CNPY1: variants seen among roughly 807,000 people sequenced by gnomAD.
The protein encoded by CNPY1 is canopy FGF signaling regulator 1.
CNPY1 carries 14 observed loss-of-function variants against 14.4 expected under a neutral mutation model. The observed-to-expected ratio is 0.97, with a 90% CI of 0.64 to 1.52. CNPY1 has a LOEUF of 1.52. Ranked by LOEUF, CNPY1 falls within the 40% of genes most tolerant of loss-of-function variation. CNPY1 has a pLI of 0.00. For missense variants in CNPY1, 129 were observed against 131.5 expected, an observed-to-expected ratio of 0.98 and a Z score of 0.09; for synonymous variants, 43 against 46.5, an observed-to-expected ratio of 0.92 and a Z score of 0.31.
chr7:155,513,120 A>C (rs1796559053), intron 2 of CNPY1, among the ~76,000 whole-genome samples: 1 of 152,226 alleles, frequency 6.6e-6, no homozygotes, highest in Non-Finnish European at 1.5e-5. Flanking sequence ...GACTGCTATG[A>C]GTTTGTTGTA....
chr7:155,532,589 C>T (rs1393342800), intron 2 of CNPY1, among the ~76,000 whole-genome samples: 1 of 151,422 alleles, frequency 6.6e-6, no homozygotes. Context: ...CCACTGCACT[C>T]CAGCCTGGGC....
chr7:155,527,057 T>TCTTTCTTTCTTTCTTTCTTTCTTTCTTTC lies in CNPY1; in HGVS notation c.100-17961_100-17960insGAAAGAAAGAAAGAAAGAAAGAAAGAAAG, dbSNP rs1554449558. On this transcript the variant is annotated intron_variant, in intron 2 of 4. Coordinates refer to ENST00000636446, the MANE Select transcript of CNPY1 (RefSeq NM_001393663.1). The stretch of plus-strand genomic sequence containing the variant: ...TTCTTTCTTTCTTTCTTTCTTTCTT[T>TCTTTCTTTCTTTCTTTCTTTCTTTCTTTC]TTTTTTTTTTTTTTGAGACAGTCTT... Among the ~76,000 whole-genome samples, 8 of 92,512 alleles carry TCTTTCTTTCTTTCTTTCTTTCTTTCTTTC rather than the reference T, an allele frequency of 8.6e-5. 1 individual carries two copies. In the East Asian group the frequency reaches 1.4e-3, roughly 16 times the overall value. 60.7% of individuals were successfully genotyped at this position (92,512 alleles called of 152,430 possible).
At chr7:155,544,109 C>T (rs940777618) in intron 2 of CNPY1, among the ~76,000 whole-genome samples, 4 of 152,242 alleles carry the variant, frequency 2.6e-5, no homozygotes, top group East Asian at 1.9e-4. Flanking sequence ...ACTCCTGGGT[C>T]GCATCACTCA....
At chr7:155,526,495 G>A (rs183614317) in intron 2 of CNPY1, among the ~76,000 whole-genome samples, 73 of 152,254 alleles carry the variant, frequency 4.8e-4, no homozygotes, top group Non-Finnish European at 7.4e-5. Flanking sequence ...GCATCAGGCG[G>A]GACAGGGAGA....
chr7:155,530,241 C>T (rs1167482746), intron 2 of CNPY1, among the ~76,000 whole-genome samples: 1 of 151,338 alleles, frequency 6.6e-6, no homozygotes, highest in Non-Finnish European at 1.5e-5. Flanking sequence ...GTCAGAGGTC[C>T]ACAACTGGCA....
chr7:155,528,869 G>A (rs948385981), intron 2 of CNPY1, among the ~76,000 whole-genome samples: 1 of 152,228 alleles, frequency 6.6e-6, no homozygotes, highest in East Asian at 1.9e-4. Context: ...GACCATCCTG[G>A]CTAACATGAT....
At chr7:155,523,470 G>A (rs760114872) in intron 2 of CNPY1, among the ~76,000 whole-genome samples, 6 of 152,204 alleles carry the variant, frequency 3.9e-5, no homozygotes, top group Admixed American at 6.5e-5. Context: ...CACCAGGGCC[G>A]TGTGGGAGGG....
At chr7:155,527,309 A>C (rs1030799690) in intron 2 of CNPY1, among the ~76,000 whole-genome samples, 2 of 151,666 alleles carry the variant, frequency 1.3e-5, no homozygotes, top group African/African-American at 4.8e-5. Context: ...TGTCTGAGCG[A>C]CTGCAGTGCT....
intron 2 of CNPY1, chr7:155,518,525 G>C (rs944582871): frequency 1.3e-5 from 2 of 152,164 alleles, no homozygotes; most frequent in African/African-American, 4.8e-5. Context: ...CCAGTGTCTT[G>C]AGTGCTGAAT....
At chr7:155,537,414 T>C (rs1797036065) in intron 2 of CNPY1, among the ~76,000 whole-genome samples, 1 of 151,584 alleles carries the variant, frequency 6.6e-6, no homozygotes, top group Non-Finnish European at 1.5e-5. Context: ...TGTGGAATTT[T>C]TTTTCTTTTC....
intron 2 of CNPY1, among the ~76,000 whole-genome samples, chr7:155,544,110 G>A (rs566824069): frequency 5.3e-5 from 8 of 152,300 alleles, no homozygotes; most frequent in Admixed American, 1.3e-4. Flanking sequence ...CTCCTGGGTC[G>A]CATCACTCAA....
At chr7:155,530,561 C>A (rs180701536) in intron 2 of CNPY1, among the ~76,000 whole-genome samples, 1 of 152,252 alleles carries the variant, frequency 6.6e-6, no homozygotes, top group East Asian at 1.9e-4. Flanking sequence ...AACTCCTGGC[C>A]TCAGGCGATC....
At position 155,509,165 on chromosome 7, in the gene CNPY1, G is replaced by A. The variant is rs79072643; in HGVS notation, c.100-68C>T. The A allele has an allele frequency of 2.5e-4, 221 of 884,866 alleles. No individual in the cohort carries two copies. The East Asian group carries it at 5.7e-3, about 23-fold the overall frequency. The allele number at this position is 884,866 out of a possible 1,614,324, so 54.8% of individuals were successfully genotyped here. A position where few individuals can be genotyped will look rare whatever the true frequency, so the allele number is the denominator to read the frequency against. ...TGTTACTTCAAAGACCTTCCGGCGA[G>A]TCCACATGGAAACGCCACACTCTCC... On this transcript the variant is annotated intron_variant, in intron 2 of 4. Coordinates refer to ENST00000636446, the MANE Select transcript of CNPY1 (RefSeq NM_001393663.1).
chr7:155,544,705 G>A (rs989354458), intron 2 of CNPY1, among the ~76,000 whole-genome samples: 23 of 152,210 alleles, frequency 1.5e-4, no homozygotes, highest in Admixed American at 8.5e-4. Flanking sequence ...TTGAGATTCC[G>A]GGGTGCAGGC....
intron 2 of CNPY1, among the ~76,000 whole-genome samples, chr7:155,530,287 C>A (rs146854250): frequency 5.6e-5 from 8 of 142,694 alleles, no homozygotes; most frequent in African/African-American, 2.1e-4. Context: ...CACACATCAC[C>A]AGCAGGGTCT....
At chr7:155,515,208 C>T (rs1239145500) in intron 2 of CNPY1, among the ~76,000 whole-genome samples, 1 of 152,046 alleles carries the variant, frequency 6.6e-6, no homozygotes, top group East Asian at 1.9e-4. Context: ...CTCTGCTCTT[C>T]CTGACCTGTG....
chr7:155,505,273 T>C (rs1266409481), intron 4 of CNPY1, among the ~76,000 whole-genome samples: 1 of 152,224 alleles, frequency 6.6e-6, no homozygotes, highest in African/African-American at 2.4e-5. Flanking sequence ...CCTTTGAGTA[T>C]CTTTTACACC....
chr7:155,523,096 C>T (rs939901337), intron 2 of CNPY1, among the ~76,000 whole-genome samples: 1 of 152,202 alleles, frequency 6.6e-6, no homozygotes, highest in Non-Finnish European at 1.5e-5. Flanking sequence ...GAGCAATTAA[C>T]AGGACTAGGG....
chr7:155,517,674 C>T (rs569669167), intron 2 of CNPY1, among the ~76,000 whole-genome samples: 6 of 152,322 alleles, frequency 3.9e-5, no homozygotes, highest in African/African-American at 9.6e-5. Flanking sequence ...TCCTGCAACA[C>T]GGCAAAGTGG....
Sources: allele counts gnomAD v4.1 joint callset (sites outside exome capture counted in the v4.1 genomes callset), GRCh38; gene constraint gnomAD v4.1.1; transcripts MANE v1.5; gene names NCBI Gene and HGNC (gene_info 2026-07-23, HGNC 2026-07-21).